ADGRL2: variants seen among roughly 807,000 people sequenced by gnomAD.
ADGRL2 encodes calcium-independent alpha-latrotoxin receptor 2.
In ADGRL2, 44 loss-of-function variants were observed where a neutral mutation model predicts 157.4. The ratio of observed to expected loss-of-function variants is 0.28; its 90% CI spans 0.22 to 0.36. ADGRL2 has a LOEUF of 0.36. ADGRL2 is among the 10% of genes least tolerant of loss of function. The probability of loss-of-function intolerance (pLI) is 1.00; values close to 1 mark genes in which losing one functional copy is unlikely to be tolerated. For synonymous variants in ADGRL2, 585 were observed against 624.7 expected (o/e 0.94, Z 0.95); for missense variants, 1,510 against 1,768.9 (o/e 0.85, Z 2.63).
Position 81,951,122 on chromosome 1 carries a change from G to T in ADGRL2, c.1608+1G>T, listed in dbSNP as rs1287887699. The T allele has an allele frequency of 1.2e-6, 2 of 1,607,034 alleles. No homozygotes were observed. Among genetic ancestry groups the T allele is most frequent in the Non-Finnish European group, 1.7e-6 (2 of 1,173,954 alleles). On this transcript the variant is annotated splice_donor_variant, in intron 8 of 23. Transcript: ENST00000686636. LOFTEE classifies it high-confidence loss of function. ...CTGGGTGAATCAGCTGGCTCAGAAG[G>T]TTGGTTGGAACCTTTTAATATGACA...
At position 81,952,007 on chromosome 1, in the gene ADGRL2, T is replaced by C; in HGVS notation, c.1659T>C (p.His553=). Residue 553 remains histidine, a synonymous_variant, in exon 9 of 24, where the codon CAT becomes CAC. Transcript: ENST00000686636. ...AASLANELAK[H]TKGPVFAGDV... is the part of the protein sequence containing the mutation. ...GTCTTGCCAATGAACTGGCTAAACA[T>C]ACCAAAGGGCCAGTGTTTGCTGGGG... The C allele has an allele frequency of 1.2e-6, 2 of 1,613,592 alleles. No homozygotes were observed. The highest frequency in any genetic ancestry group is 8.5e-7 in the Non-Finnish European group (1 of 1,179,620).
intron 3 of ADGRL2, among the ~76,000 whole-genome samples, chr1:81,930,105 A>G (rs937962384): frequency 6.6e-6 from 1 of 152,174 alleles, no homozygotes; most frequent in African/African-American, 2.4e-5. Flanking sequence ...TTTTGAACAG[A>G]GATAAACAGT....
At chr1:81,555,389 C>T (rs992545759) in intron 2 of ADGRL2, among the ~76,000 whole-genome samples, 2 of 151,614 alleles carry the variant, frequency 1.3e-5, no homozygotes, top group African/African-American at 4.8e-5. Flanking sequence ...CTGCCTCAGC[C>T]TCCCAAGTAG....
chr1:81,650,988 AG>A lies in ADGRL2; in HGVS notation c.-143+70010del, dbSNP rs1264892537. Among the ~76,000 whole-genome samples the A allele has an allele frequency of 2.0e-5, 3 of 152,186 alleles. No homozygotes were observed. In the East Asian group the frequency reaches 5.8e-4, roughly 29 times the overall value. ...CCAAGAAGTGCTTCAGTTGCAAAGA[AG>A]GAAAATACTGACAGTGCATAATTTA... On this transcript the variant is annotated intron_variant, in intron 3 of 24. Transcript: ENST00000370721.
intron 3 of ADGRL2, among the ~76,000 whole-genome samples, chr1:81,637,347 A>C (rs1484383940): frequency 6.6e-6 from 1 of 152,234 alleles, no homozygotes; most frequent in Non-Finnish European, 1.5e-5. Flanking sequence ...TCTGAAGAGA[A>C]TATTGAGAAG....
At chr1:81,445,189 A>G (rs983133475) in intron 2 of ADGRL2, 1 of 152,198 alleles carries the variant, frequency 6.6e-6, no homozygotes, top group South Asian at 2.1e-4. Context: ...TGGTTTTCTA[A>G]GTTCTGATAT....
chr1:81,571,986 A>G (rs913293527), intron 2 of ADGRL2, among the ~76,000 whole-genome samples: 1 of 152,246 alleles, frequency 6.6e-6, no homozygotes, highest in Non-Finnish European at 1.5e-5. Flanking sequence ...GTCATCCAAC[A>G]AAAAGTAAAT....
chr1:81,491,079 C>T (rs1318966517), intron 2 of ADGRL2, among the ~76,000 whole-genome samples: 5 of 152,064 alleles, frequency 3.3e-5, no homozygotes, highest in African/African-American at 9.7e-5. Context: ...CATTAAATGT[C>T]GCCTTGGGGG....
chr1:81,639,540 C>CAAAAAAAAA (rs56281820), intron 3 of ADGRL2, among the ~76,000 whole-genome samples: 12 of 82,990 alleles, frequency 1.4e-4, no homozygotes, highest in African/African-American at 2.0e-4. Flanking sequence ...TCCATCTCTA[C>CAAAAAAAAA]AAAAAAAAAA....
chr1:81,778,194 C>G (rs1457578250), intron 2 of ADGRL2, among the ~76,000 whole-genome samples: 2 of 125,884 alleles, frequency 1.6e-5, no homozygotes, highest in African/African-American at 6.8e-5. Flanking sequence ...TGGTGGCGGG[C>G]ACTTGTAGTC....
chr1:81,952,194 T>C (rs944001988), intron 9 of ADGRL2, 52 bp downstream of exon 9: 3 of 1,458,120 alleles, frequency 2.1e-6, no homozygotes, highest in Non-Finnish European at 2.8e-6. Flanking sequence ...ATGGCAGCTC[T>C]TTCTTGTCTT....
At chr1:81,662,653 C>T (rs939944543) in intron 3 of ADGRL2, among the ~76,000 whole-genome samples, 4 of 151,814 alleles carry the variant, frequency 2.6e-5, no homozygotes, top group Non-Finnish European at 5.9e-5. Context: ...CTCCCAGGTT[C>T]AAGCGATTCT....
At chr1:81,736,910 C>T (rs554169500) in intron 1 of ADGRL2, among the ~76,000 whole-genome samples, 3 of 152,292 alleles carry the variant, frequency 2.0e-5, no homozygotes, top group African/African-American at 7.2e-5. Context: ...TCTCAGCTCA[C>T]TGCAACCTCT....
chr1:81,723,826 AT>A (rs374680082), intron 1 of ADGRL2, among the ~76,000 whole-genome samples: 1 of 151,292 alleles, frequency 6.6e-6, no homozygotes, highest in Non-Finnish European at 1.5e-5. Context: ...TGGTGAAGGG[AT>A]TTTTTTTTGT....
At chr1:81,921,753 T>C (rs2094984254) in intron 3 of ADGRL2, among the ~76,000 whole-genome samples, 1 of 152,172 alleles carries the variant, frequency 6.6e-6, no homozygotes, top group African/African-American at 2.4e-5. Flanking sequence ...TTCTACAAAC[T>C]GCTTGTGTAA....
intron 1 of ADGRL2, among the ~76,000 whole-genome samples, chr1:81,807,127 A>T (rs1399052268): frequency 2.0e-5 from 3 of 152,014 alleles, no homozygotes; most frequent in Admixed American, 2.0e-4. Flanking sequence ...ATAGATTTCG[A>T]TAAAGCATTA....
chr1:81,672,730 G>A (rs1412755696), intron 3 of ADGRL2, among the ~76,000 whole-genome samples: 1 of 152,004 alleles, frequency 6.6e-6, no homozygotes. Flanking sequence ...ATTGACTAGT[G>A]TTTTAAGGAT....
At chr1:81,725,006 C>T (rs141748776) in intron 1 of ADGRL2, among the ~76,000 whole-genome samples, 41 of 151,568 alleles carry the variant, frequency 2.7e-4, no homozygotes, top group African/African-American at 9.7e-4. Flanking sequence ...GAGTTTGAGA[C>T]CAGCCTGGCC....
chr1:81,614,836 T>C, intron 3 of ADGRL2, among the ~76,000 whole-genome samples: 1 of 140,342 alleles, frequency 7.1e-6, no homozygotes. Context: ...CAGAAACCCA[T>C]CTCTACAAAT....
Sources: gnomAD v4.1 joint callset for allele counts (sites outside exome capture counted in the v4.1 genomes callset) on GRCh38, gnomAD v4.1.1 for gene constraint, MANE v1.5 for transcripts, NCBI Gene and HGNC (gene_info 2026-07-23, HGNC 2026-07-21) for gene names.